OR7E24: variants seen among roughly 807,000 people sequenced by gnomAD.
The protein encoded by OR7E24 is olfactory receptor 7E24.
For synonymous variants in OR7E24, 130 were observed against 157.5 expected (o/e 0.83, Z 1.31); for missense variants, 385 against 410.3 (o/e 0.94, Z 0.53).
the OR7E24 span, chr19:9,213,879 A>T: frequency 6.3e-7 from 1 of 1,576,438 alleles, no homozygotes; most frequent in Non-Finnish European, 8.7e-7. Context: ...GTGTCCTCTT[A>T]GTTCTGAGGC....
chr19:9,215,727 CTATTAATCT>C, the OR7E24 span, among the ~76,000 whole-genome samples: 1 of 152,190 alleles, frequency 6.6e-6, no homozygotes, highest in Non-Finnish European at 1.5e-5. Context: ...GCTACTATTA[CTATTAATCT>C]TATTAATCTT....
chr19:9,226,275 A>C, the OR7E24 span, among the ~76,000 whole-genome samples: 1 of 152,224 alleles, frequency 6.6e-6, no homozygotes, highest in Non-Finnish European at 1.5e-5. Context: ...CTTTCTGCAG[A>C]AAGGGTACAC....
chr19:9,240,029 C>T, the OR7E24 span, among the ~76,000 whole-genome samples: 2,980 of 151,938 alleles, frequency 0.02, 85 homozygotes, highest in African/African-American at 0.068. Context: ...TTGAATAGGT[C>T]GTTTTTTCTT....
At chr19:9,247,079 T>C (rs75984429), upstream of OR7E24, among the ~76,000 whole-genome samples, 654 of 152,124 alleles carry the variant, frequency 4.3e-3, 8 homozygotes, top group African/African-American at 0.015. Flanking sequence ...TTTTATATAA[T>C]AAAAAGGAAA....
At chr19:9,220,664 C>T in the OR7E24 span, among the ~76,000 whole-genome samples, 3 of 152,146 alleles carry the variant, frequency 2.0e-5, no homozygotes, top group Non-Finnish European at 2.9e-5. Context: ...AATAATGCTC[C>T]AATAAACATG....
chr19:9,231,406 C>T, the OR7E24 span, among the ~76,000 whole-genome samples: 4 of 151,990 alleles, frequency 2.6e-5, no homozygotes, highest in Admixed American at 2.0e-4. Context: ...ATGGTGAAAC[C>T]CCATCTCTAC....
chr19:9,223,567 T>C, the OR7E24 span, among the ~76,000 whole-genome samples: 2 of 152,168 alleles, frequency 1.3e-5, no homozygotes, highest in African/African-American at 4.8e-5. Context: ...ACAACGTGGA[T>C]GACCAGATGT....
the OR7E24 span, among the ~76,000 whole-genome samples, chr19:9,241,030 C>T: frequency 6.6e-5 from 10 of 152,022 alleles, no homozygotes; most frequent in South Asian, 6.3e-4. Flanking sequence ...TTAGTCAGGC[C>T]GGTCTTGAAC....
At chr19:9,235,865 G>A in the OR7E24 span, 3 of 1,608,868 alleles carry the variant, frequency 1.9e-6, no homozygotes, top group Non-Finnish European at 2.6e-6. Flanking sequence ...TTTTCCACCT[G>A]TGGATCTCAC....
At chr19:9,217,741 G>T in the OR7E24 span, among the ~76,000 whole-genome samples, 1 of 152,128 alleles carries the variant, frequency 6.6e-6, no homozygotes, top group Non-Finnish European at 1.5e-5. Context: ...GTTTCACCTT[G>T]TTAGCCAGGC....
At chr19:9,209,316 A>C in the OR7E24 span, 2 of 152,208 alleles carry the variant, frequency 1.3e-5, no homozygotes, top group Non-Finnish European at 2.9e-5. Flanking sequence ...TAATTGCAGT[A>C]GTCTTTTCTT....
upstream of OR7E24, among the ~76,000 whole-genome samples, chr19:9,245,528 G>A (rs2066126663): frequency 6.6e-6 from 1 of 152,180 alleles, no homozygotes; most frequent in Non-Finnish European, 1.5e-5. Context: ...ACTACCATAG[G>A]ATGCTGCAAG....
the OR7E24 span, among the ~76,000 whole-genome samples, chr19:9,233,086 T>C: frequency 9.2e-5 from 14 of 152,178 alleles, no homozygotes; most frequent in African/African-American, 3.4e-4. Context: ...CATTTCATCC[T>C]CCCAGCCTAC....
At chr19:9,248,705 C>T (rs2066137248), upstream of OR7E24, among the ~76,000 whole-genome samples, 1 of 152,232 alleles carries the variant, frequency 6.6e-6, no homozygotes, top group African/African-American at 2.4e-5. Flanking sequence ...TCTGGCTTTC[C>T]TTGCAGCTCT....
the OR7E24 span, chr19:9,235,886 T>G: frequency 6.2e-7 from 1 of 1,606,484 alleles, no homozygotes; most frequent in Non-Finnish European, 8.5e-7. Flanking sequence ...CTCTGTGTGG[T>G]CTCCTTGTTC....
At chr19:9,241,031 G>A in the OR7E24 span, among the ~76,000 whole-genome samples, 6 of 152,148 alleles carry the variant, frequency 3.9e-5, no homozygotes, top group African/African-American at 9.6e-5. Context: ...TAGTCAGGCC[G>A]GTCTTGAACT....
At chr19:9,246,384 A>G (rs963304217), upstream of OR7E24, among the ~76,000 whole-genome samples, 1 of 151,402 alleles carries the variant, frequency 6.6e-6, no homozygotes, top group Non-Finnish European at 1.5e-5. Flanking sequence ...TGCTTATTAT[A>G]GTAATTTGCT....
At chr19:9,208,105 C>T in the OR7E24 span, 27,142 of 151,406 alleles carry the variant, frequency 0.18, 3,570 homozygotes, top group African/African-American at 0.36. Flanking sequence ...GGCATGATCC[C>T]GACTCACTGC....
chr19:9,236,824 G>A, the OR7E24 span, among the ~76,000 whole-genome samples: 1 of 152,038 alleles, frequency 6.6e-6, no homozygotes, highest in African/African-American at 2.4e-5. Context: ...ATTTGATTTT[G>A]CTCGTTATCC....
Sources: allele counts gnomAD v4.1 joint callset (sites outside exome capture counted in the v4.1 genomes callset), GRCh38; gene constraint gnomAD v4.1.1; transcripts MANE v1.5; gene names NCBI Gene and HGNC (gene_info 2026-07-23, HGNC 2026-07-21).